NLRP11: variants seen among roughly 807,000 people sequenced by gnomAD.
NLRP11 encodes the protein NACHT, LRR and PYD domains-containing protein 11.
Under a neutral mutation model 79.3 loss-of-function variants are expected in NLRP11, and 53 were observed. The observed-to-expected ratio is 0.67, with a 90% confidence interval of 0.54 to 0.84. The LOEUF is 0.84. NLRP11 is among the 40% of genes least tolerant of loss of function. NLRP11 has a pLI of 0.00. For synonymous variants in NLRP11, 518 were observed against 462.6 expected, an observed-to-expected ratio of 1.12 and a Z score of -1.54; for missense variants, 1,264 against 1,255.0, an observed-to-expected ratio of 1.01 and a Z score of -0.11.
chr19:55,791,695 A>C (rs59252907), intron 7 of NLRP11, among the ~76,000 whole-genome samples: 11,749 of 152,264 alleles, frequency 0.077, 971 homozygotes, highest in African/African-American at 0.21. Context: ...AAGTGGGAGA[A>C]TCACTACTTC....
At chr19:55,789,841 A>G (rs1990129960) in intron 7 of NLRP11, among the ~76,000 whole-genome samples, 1 of 152,210 alleles carries the variant, frequency 6.6e-6, no homozygotes, top group Non-Finnish European at 1.5e-5. Flanking sequence ...AGAGGATTTT[A>G]CCAAATGGTC....
rs375133491 is a variant in NLRP11, at chr19:55,792,188, A to T, written c.2513+113T>A. 82 of 882,118 alleles carry T rather than the reference A, an allele frequency of 9.3e-5. No individual in the cohort carries two copies. The African/African-American group carries it at 1.3e-3, about 14-fold the overall frequency. The allele number at this position is 882,118 out of a possible 1,614,324, so 54.6% of individuals were successfully genotyped here. Reference sequence around the variant, plus strand: ...TATTCTGGGGAGCCCATGCTCCCGTACCCCTATCACCCATGATGCCATCAC... The same window carrying T: ...TATTCTGGGGAGCCCATGCTCCCGTTCCCCTATCACCCATGATGCCATCAC... On this transcript the variant is annotated intron_variant, in intron 7 of 9. Coordinates refer to ENST00000589093, the Ensembl canonical transcript of NLRP11.
chr19:55,829,097 C>T (rs988943687), intron 1 of NLRP11, among the ~76,000 whole-genome samples: 13 of 151,998 alleles, frequency 8.6e-5, no homozygotes, highest in Non-Finnish European at 1.6e-4. Flanking sequence ...GCACTGTGGT[C>T]AGATGAGGGT....
chr19:55,835,214 C>G (rs891446511), upstream of NLRP11, among the ~76,000 whole-genome samples: 14 of 152,208 alleles, frequency 9.2e-5, no homozygotes, highest in Non-Finnish European at 1.9e-4. Context: ...TAAGGAGGAA[C>G]TAAAATGGTG....
rs201476127 is a variant in NLRP11, at chr19:55,830,598, T to TAAAAAAAAAA, written c.-63+1355_-63+1364dup. Reference sequence around the variant, plus strand: ...GCCTAGTGATGGCTTCTTAGCTTCCTAAAAAAAAAAAAAAAAATGCAACGT... The same window carrying TAAAAAAAAAA: ...GCCTAGTGATGGCTTCTTAGCTTCCTAAAAAAAAAAAAAAAAAAAAAAAAAAATGCAACGT... On this transcript the variant is annotated intron_variant, in intron 1 of 9. Coordinates refer to ENST00000589093, the Ensembl canonical transcript of NLRP11. 7.4e-4 allele frequency among the ~76,000 whole-genome samples: 96 copies of TAAAAAAAAAA among 129,186 alleles called. 2 individuals are homozygous for TAAAAAAAAAA. Among genetic ancestry groups the TAAAAAAAAAA allele is most frequent in the East Asian group, 2.8e-3 (12 of 4,216 alleles). The allele number at this position is 129,186 out of a possible 152,430, so 84.8% of individuals were successfully genotyped here. A position where few individuals can be genotyped will look rare whatever the true frequency, so the allele number is the denominator to read the frequency against.
intron 9 of NLRP11, among the ~76,000 whole-genome samples, chr19:55,786,402 G>A (rs1381335424): frequency 1.3e-5 from 2 of 152,042 alleles, no homozygotes; most frequent in African/African-American, 2.4e-5. Context: ...GTGCGTGCCT[G>A]TGGTCCCAGC....
At chr19:55,833,608 T>C (rs1286113337), upstream of NLRP11, among the ~76,000 whole-genome samples, 1 of 150,780 alleles carries the variant, frequency 6.6e-6, no homozygotes, top group Non-Finnish European at 1.5e-5. Context: ...CTACCAAAAA[T>C]ATAAAAAAAT....
In NLRP11 at chr19:55,798,856, G is replaced by C. The variant is rs138011674; in HGVS notation, c.2172-2606C>G. On this transcript the variant is annotated intron_variant, in intron 5 of 9. Transcript: ENST00000589093. ...AAGCAAAGGTGTGGACAGGTAGGAAGATGCTGAAGTACTGCAGATAGGTGG... is the reference window on the plus strand; with the variant it reads ...AAGCAAAGGTGTGGACAGGTAGGAACATGCTGAAGTACTGCAGATAGGTGG... 2.2e-3 allele frequency among the ~76,000 whole-genome samples: 328 copies of C among 152,282 alleles called. 1 individual carries two copies. Among genetic ancestry groups the C allele is most frequent in the African/African-American group, 7.7e-3 (319 of 41,564 alleles).
chr19:55,804,169 T>C (rs1030652839), intron 4 of NLRP11, among the ~76,000 whole-genome samples: 5 of 152,078 alleles, frequency 3.3e-5, no homozygotes, highest in African/African-American at 1.2e-4. Context: ...TTGGTGGGAG[T>C]GTAAATTAAT....
At chr19:55,831,920 C>T (rs1982833733) in intron 1 of NLRP11, 43 bp downstream of exon 1, 1 of 152,158 alleles carries the variant, frequency 6.6e-6, no homozygotes, top group African/African-American at 2.4e-5. Context: ...TAAAAAAAGA[C>T]CTTAAAATCC....
At chr19:55,807,783 C>G in intron 4 of NLRP11, 70 bp downstream of exon 4, 1 of 1,074,502 alleles carries the variant, frequency 9.3e-7, no homozygotes, top group Non-Finnish European at 1.4e-6. Context: ...ATTGTCTTCT[C>G]CCAGAGAAAG....
rs970007689 is a variant in NLRP11, at chr19:55,827,346, T to C, written c.-63+4617A>G. ...AACCTAGGCATGACCATTCAGGACA[T>C]AGGCATGGCCAAGGACTTCATGTCT... On this transcript the variant is annotated intron_variant, in intron 1 of 9. Transcript: ENST00000589093. Among the ~76,000 whole-genome samples the C allele has an allele frequency of 3.2e-4, 47 of 148,886 alleles. 2 individuals are homozygous for C. The highest frequency in any genetic ancestry group is 1.1e-3 in the African/African-American group (42 of 39,592).
upstream of NLRP11, chr19:55,832,997 A>G (rs1982930657): frequency 6.6e-6 from 1 of 152,232 alleles, no homozygotes; most frequent in African/African-American, 2.4e-5. Context: ...CTATTGATAA[A>G]TTGTTAGGAT....
At chr19:55,817,201 G>A (rs923534870) in intron 2 of NLRP11, among the ~76,000 whole-genome samples, 8 of 152,136 alleles carry the variant, frequency 5.3e-5, no homozygotes, top group African/African-American at 1.7e-4. Flanking sequence ...TGGTATGGAT[G>A]TGGTAAAAAG....
At chr19:55,819,917 T>C (rs1046210568) in intron 1 of NLRP11, among the ~76,000 whole-genome samples, 9 of 152,160 alleles carry the variant, frequency 5.9e-5, no homozygotes, top group African/African-American at 2.2e-4. Context: ...CCAGGTACTA[T>C]GTTAGAAGAT....
chr19:55,807,323 T>C (rs1266525885), intron 4 of NLRP11, among the ~76,000 whole-genome samples: 2 of 152,200 alleles, frequency 1.3e-5, no homozygotes, highest in East Asian at 1.9e-4. Context: ...AGTGACTGTT[T>C]AGGCAAGTAC....
Position 55,793,405 on chromosome 19 carries a change from C to A in NLRP11, c.2343-934G>T, listed in dbSNP as rs920890931. Reference sequence around the variant, plus strand: ...TCAACATGGTGAAACCCCGTCTCTGCTAAAAATACAAAAATTAGCCGGCAT... The same window carrying A: ...TCAACATGGTGAAACCCCGTCTCTGATAAAAATACAAAAATTAGCCGGCAT... On this transcript the variant is annotated intron_variant, in intron 6 of 9. Coordinates refer to ENST00000589093, the Ensembl canonical transcript of NLRP11. Among the ~76,000 whole-genome samples the A allele has an allele frequency of 4.0e-5, 6 of 151,520 alleles. 1 individual carries two copies. Among genetic ancestry groups the A allele is most frequent in the Admixed American group, 3.9e-4 (6 of 15,196 alleles).
At chr19:55,829,772 C>G (rs1982573171) in intron 1 of NLRP11, among the ~76,000 whole-genome samples, 1 of 151,370 alleles carries the variant, frequency 6.6e-6, no homozygotes, top group Non-Finnish European at 1.5e-5. Flanking sequence ...ACTCCACTTT[C>G]TTAAACATAT....
rs1387972193 is a variant in NLRP11, at chr19:55,809,201, A to G, written c.1409T>C (p.Leu470Pro). Residue 470 changes from leucine to proline, a missense_variant, in exon 3 of 10, where the codon CTG becomes CCG. Coordinates refer to ENST00000589093, the Ensembl canonical transcript of NLRP11. This position sits in a 1 kb window ranked among gnomAD's most constrained non-coding sequence, Gnocchi z 4.5. ...ATACTCTCTGCTGCCTGAGGGGATC[A>G]GATAGTTGGGTACTGCCATCAGAAA... 2.5e-6 allele frequency: 4 copies of G among 1,613,620 alleles called. No individual in the cohort carries two copies. The African/African-American group carries it at 5.3e-5, about 22-fold the overall frequency.
Sources: gnomAD v4.1 joint callset for allele counts (sites outside exome capture counted in the v4.1 genomes callset) on GRCh38, gnomAD v4.1.1 for gene constraint, Gnocchi (gnomAD v3.1) non-coding constraint, MANE v1.5 for transcripts, NCBI Gene and HGNC (gene_info 2026-07-23, HGNC 2026-07-21) for gene names.